Variants in AUTS2 observed in about 807,000 individuals in gnomAD.
The protein encoded by AUTS2 is autism susceptibility gene 2 protein.
A neutral mutation model predicts 112.4 loss-of-function variants in AUTS2; 17 were observed. The ratio of observed to expected loss-of-function variants is 0.15; its 90% CI spans 0.10 to 0.23. The LOEUF (loss-of-function observed/expected upper bound fraction) is 0.23, where lower values mean the gene tolerates loss of function less well. AUTS2 is among the 10% of genes least tolerant of loss of function. AUTS2 has a pLI of 1.00. For synonymous variants in AUTS2, 751 were observed against 702.7 expected (o/e 1.07, Z -1.09); for missense variants, 1,510 against 1,701.6 (o/e 0.89, Z 1.98).
At chr7:70,478,975 T>C (rs1732490109) in intron 5 of AUTS2, among the ~76,000 whole-genome samples, 1 of 152,152 alleles carries the variant, frequency 6.6e-6, no homozygotes. Flanking sequence ...TATAAATACT[T>C]GATTAATATT....
chr7:69,888,488 T>C (rs1421551313), intron 1 of AUTS2, among the ~76,000 whole-genome samples: 5 of 143,712 alleles, frequency 3.5e-5, no homozygotes, highest in African/African-American at 1.3e-4. Flanking sequence ...TTATGAAGGA[T>C]CCAATCCCAT....
intron 4 of AUTS2, among the ~76,000 whole-genome samples, chr7:70,299,918 C>T (rs1789127758): frequency 6.6e-6 from 1 of 151,600 alleles, no homozygotes; most frequent in Non-Finnish European, 1.5e-5. Context: ...GAGACCATAA[C>T]ATGTAGTCTG....
At chr7:70,482,893 A>G (rs1187062003) in intron 5 of AUTS2, among the ~76,000 whole-genome samples, 1 of 152,128 alleles carries the variant, frequency 6.6e-6, no homozygotes, top group Non-Finnish European at 1.5e-5. Flanking sequence ...CATAATTCCT[A>G]TGTATTGAAT....
chr7:70,667,417 T>G (rs1365029057), intron 5 of AUTS2, among the ~76,000 whole-genome samples: 1 of 152,178 alleles, frequency 6.6e-6, no homozygotes, highest in African/African-American at 2.4e-5. Flanking sequence ...TGGGCTGATT[T>G]GAGAGATTCA....
intron 1 of AUTS2, among the ~76,000 whole-genome samples, chr7:69,742,814 G>A (rs1470549391): frequency 1.3e-5 from 2 of 152,170 alleles, no homozygotes; most frequent in African/African-American, 4.8e-5. Context: ...CACATAGTAG[G>A]TGGCTAGTTG....
intron 1 of AUTS2, among the ~76,000 whole-genome samples, chr7:69,721,209 G>A (rs1231826233): frequency 2.0e-5 from 3 of 152,152 alleles, no homozygotes; most frequent in African/African-American, 7.2e-5. Context: ...CTCCTGATCT[G>A]CTCAAGTACT....
At position 70,703,535 on chromosome 7, in the gene AUTS2, A is replaced by G. The variant is rs183666706; in HGVS notation, c.742+4915A>G. 6.0e-5 allele frequency among the ~76,000 whole-genome samples: 9 copies of G among 149,664 alleles called. No homozygotes were observed. The East Asian group carries it at 1.4e-3, about 23-fold the overall frequency. On this transcript the variant is annotated intron_variant, in intron 6 of 18. Coordinates refer to ENST00000342771, the MANE Select transcript of AUTS2 (RefSeq NM_015570.4). Reference sequence around the variant, plus strand: ...AAAGGCCTTTCCATAAAATAATTCTATGCATGAAAATAATGCAGTTGACTG... The same window carrying G: ...AAAGGCCTTTCCATAAAATAATTCTGTGCATGAAAATAATGCAGTTGACTG...
intron 5 of AUTS2, among the ~76,000 whole-genome samples, chr7:70,542,555 C>T (rs773380042): frequency 3.9e-5 from 6 of 152,224 alleles, no homozygotes; most frequent in Non-Finnish European, 5.9e-5. Flanking sequence ...GGCACTGGCG[C>T]AGGCCAGCTA....
Position 70,552,385 on chromosome 7 carries a change from C to G in AUTS2, c.690+116604C>G, listed in dbSNP as rs373333930. Among the ~76,000 whole-genome samples the G allele has an allele frequency of 5.9e-5, 9 of 152,278 alleles. No homozygotes were observed. The East Asian group carries it at 1.7e-3, about 29-fold the overall frequency. On this transcript the variant is annotated intron_variant, in intron 5 of 18. Transcript: ENST00000342771. The stretch of plus-strand genomic sequence containing the variant: ...CCTGTTAGCGGATTATACCATATGT[C>G]TCTCCCTGTAACAAAATCAGCATGT...
In AUTS2 at chr7:70,279,624, T is replaced by G. The variant is rs1584966279; in HGVS notation, c.660+145053T>G. On this transcript the variant is annotated intron_variant, in intron 4 of 18. Coordinates refer to ENST00000342771, the MANE Select transcript of AUTS2 (RefSeq NM_015570.4). ...TATTTAAAAGATTCTTTGTTTCTAG[T>G]AATTGTGTGTTAAGGTTTTCCAAGT... Among the ~76,000 whole-genome samples, 4 of 152,326 alleles carry G rather than the reference T, an allele frequency of 2.6e-5. No homozygotes were observed. The South Asian group carries it at 8.3e-4, about 32-fold the overall frequency.
intron 2 of AUTS2, among the ~76,000 whole-genome samples, chr7:70,014,020 C>T (rs1184555042): frequency 6.6e-6 from 1 of 152,164 alleles, no homozygotes; most frequent in South Asian, 2.1e-4. Context: ...CCGGCCTCAT[C>T]AGTTATTTTT....
intron 2 of AUTS2, among the ~76,000 whole-genome samples, chr7:69,983,516 G>GTA (rs753137592): frequency 3.3e-5 from 4 of 121,746 alleles, no homozygotes; most frequent in African/African-American, 1.7e-4. Context: ...GCTTTGTACT[G>GTA]TGTGTGTGTG....
intron 1 of AUTS2, among the ~76,000 whole-genome samples, chr7:69,658,765 T>C (rs1795660387): frequency 6.6e-6 from 1 of 152,236 alleles, no homozygotes; most frequent in African/African-American, 2.4e-5. Flanking sequence ...ATCAGTATCT[T>C]TGTAGGCTCT....
At chr7:69,823,032 T>C (rs550619553) in intron 1 of AUTS2, among the ~76,000 whole-genome samples, 15 of 152,292 alleles carry the variant, frequency 9.8e-5, no homozygotes, top group South Asian at 6.2e-4. Flanking sequence ...TTTGAGTTGT[T>C]TGGTCTAAGC....
chr7:70,102,388 G>A (rs1012875641), intron 2 of AUTS2, among the ~76,000 whole-genome samples: 1 of 151,950 alleles, frequency 6.6e-6, no homozygotes, highest in Non-Finnish European at 1.5e-5. Context: ...AAAGAGCTGG[G>A]ATTACAGGTG....
Position 69,602,018 on chromosome 7 carries a change from G to GTATATATATATATA in AUTS2, c.309+2057_309+2058insATATATATATATAT, listed in dbSNP as rs765066810. 3.5e-3 allele frequency among the ~76,000 whole-genome samples: 81 copies of GTATATATATATATA among 22,862 alleles called. 1 individual carries two copies. Among genetic ancestry groups the GTATATATATATATA allele is most frequent in the Admixed American group, 7.0e-3 (13 of 1,858 alleles). 15.0% of individuals were successfully genotyped at this position (22,862 alleles called of 152,430 possible). A position where few individuals can be genotyped will look rare whatever the true frequency, so the allele number is the denominator to read the frequency against. On this transcript the variant is annotated intron_variant, in intron 1 of 18. Transcript: ENST00000342771. The stretch of plus-strand genomic sequence containing the variant: ...AGGACAAGTAGGGATATATGTGTGT[G>GTATATATATATATA]TGTATATATATATATATATATATGT...
At chr7:69,773,887 T>C (rs1367949333) in intron 1 of AUTS2, among the ~76,000 whole-genome samples, 2 of 152,212 alleles carry the variant, frequency 1.3e-5, no homozygotes, top group African/African-American at 2.4e-5. Flanking sequence ...GGGAATCCCG[T>C]CGAACACCCT....
intron 2 of AUTS2, among the ~76,000 whole-genome samples, chr7:69,946,332 G>A (rs910701947): frequency 1.3e-5 from 2 of 152,114 alleles, no homozygotes; most frequent in Admixed American, 1.3e-4. Flanking sequence ...AATTGGGACA[G>A]CATTATGGAG....
At chr7:70,490,273 A>G (rs976218743) in intron 5 of AUTS2, among the ~76,000 whole-genome samples, 3 of 152,106 alleles carry the variant, frequency 2.0e-5, no homozygotes, top group African/African-American at 4.8e-5. Flanking sequence ...TGTAGCTAGA[A>G]TGAACGAGAA....
Sources: gnomAD v4.1 joint callset for allele counts (sites outside exome capture counted in the v4.1 genomes callset) on GRCh38, gnomAD v4.1.1 for gene constraint, MANE v1.5 for transcripts, NCBI Gene and HGNC (gene_info 2026-07-23, HGNC 2026-07-21) for gene names.